CNTNAP2: variants seen among roughly 807,000 people sequenced by gnomAD.
CNTNAP2 encodes the protein contactin associated protein 2, also known as contactin-associated protein-like 2.
CNTNAP2 carries 98 observed loss-of-function variants against 155.2 expected under a neutral mutation model. The ratio of observed to expected loss-of-function variants is 0.63; its 90% CI spans 0.54 to 0.75. CNTNAP2 has a LOEUF of 0.75. Among genes scored for constraint, CNTNAP2 ranks in the 30% least tolerant of loss-of-function variants. The pLI, the probability that CNTNAP2 is intolerant of heterozygous loss-of-function variation, is 0.00. For synonymous variants in CNTNAP2, 651 were observed against 631.2 expected, an observed-to-expected ratio of 1.03 and a Z score of -0.47; for missense variants, 1,727 against 1,688.1, an observed-to-expected ratio of 1.02 and a Z score of -0.40.
chr7:146,405,641 A>G (rs576776301), intron 1 of CNTNAP2, among the ~76,000 whole-genome samples: 20 of 152,344 alleles, frequency 1.3e-4, no homozygotes, highest in Non-Finnish European at 2.6e-4. Context: ...AGACAAATTA[A>G]ACTGGCTAGT....
intron 9 of CNTNAP2, among the ~76,000 whole-genome samples, chr7:147,392,011 C>T (rs945559462): frequency 6.6e-6 from 1 of 152,072 alleles, no homozygotes; most frequent in East Asian, 1.9e-4. Context: ...TGCCCGATGG[C>T]TCCTTCAATA....
intron 21 of CNTNAP2, among the ~76,000 whole-genome samples, chr7:148,383,097 C>G (rs1799104955): frequency 6.6e-6 from 1 of 151,858 alleles, no homozygotes; most frequent in Admixed American, 6.6e-5. Flanking sequence ...CCATCAGACA[C>G]TAGCCGGGGA....
intron 21 of CNTNAP2, among the ~76,000 whole-genome samples, chr7:148,278,563 A>G (rs1357383803): frequency 2.2e-5 from 2 of 89,328 alleles, no homozygotes; most frequent in Non-Finnish European, 4.4e-5. Flanking sequence ...GAGTGAGACT[A>G]CATCTCAAAA....
At chr7:147,689,151 C>CTTT (rs5888280) in intron 13 of CNTNAP2, among the ~76,000 whole-genome samples, 1,995 of 139,462 alleles carry the variant, frequency 0.014, 178 homozygotes, top group Admixed American at 0.14. Context: ...ATAATTACTA[C>CTTT]TTTTTTTTTT....
At chr7:146,880,562 G>C (rs1326275769) in intron 3 of CNTNAP2, among the ~76,000 whole-genome samples, 1 of 152,102 alleles carries the variant, frequency 6.6e-6, no homozygotes, top group Non-Finnish European at 1.5e-5. Context: ...CAGTGGAGTT[G>C]AAATATGAAC....
intron 1 of CNTNAP2, among the ~76,000 whole-genome samples, chr7:146,663,984 T>A (rs947097183): frequency 5.3e-5 from 8 of 152,222 alleles, no homozygotes; most frequent in South Asian, 2.1e-4. Flanking sequence ...CCAGTAAGTA[T>A]GTTACCTGCA....
chr7:147,821,862 A>T (rs184122360), intron 13 of CNTNAP2, among the ~76,000 whole-genome samples: 4 of 152,302 alleles, frequency 2.6e-5, no homozygotes, highest in Admixed American at 1.3e-4. Context: ...ACTAAAAGTT[A>T]TTGGAAGTTA....
intron 1 of CNTNAP2, among the ~76,000 whole-genome samples, chr7:146,503,108 A>G (rs1797331301): frequency 6.6e-6 from 1 of 152,082 alleles, no homozygotes; most frequent in Non-Finnish European, 1.5e-5. Context: ...TCAGATGGAT[A>G]TTTGCAAATG....
intron 13 of CNTNAP2, among the ~76,000 whole-genome samples, chr7:147,861,105 A>G (rs1241834986): frequency 1.3e-5 from 2 of 152,190 alleles, no homozygotes; most frequent in Non-Finnish European, 2.9e-5. Context: ...GTTTGTGATA[A>G]GGATTTTCAC....
At chr7:146,721,369 ATATATACATTCTATATACATTC>A (rs879846295) in intron 1 of CNTNAP2, among the ~76,000 whole-genome samples, 2 of 124,480 alleles carry the variant, frequency 1.6e-5, no homozygotes, top group East Asian at 2.6e-4. Flanking sequence ...TATACATTCT[ATATATACATTCTATATACATTC>A]TATATACATT....
intron 9 of CNTNAP2, among the ~76,000 whole-genome samples, chr7:147,325,255 G>A (rs549981577): frequency 1.1e-3 from 174 of 152,236 alleles, no homozygotes; most frequent in Non-Finnish European, 1.6e-3. Context: ...AGCCGAGATC[G>A]CGCCACTACA....
At chr7:146,652,927 T>C (rs1799941059) in intron 1 of CNTNAP2, among the ~76,000 whole-genome samples, 1 of 152,160 alleles carries the variant, frequency 6.6e-6, no homozygotes, top group African/African-American at 2.4e-5. Context: ...ATCCAGAGAC[T>C]GTGGAGTCTT....
At chr7:146,160,626 C>G (rs201981899) in intron 1 of CNTNAP2, among the ~76,000 whole-genome samples, 1 of 152,188 alleles carries the variant, frequency 6.6e-6, no homozygotes, top group Non-Finnish European at 1.5e-5. Context: ...CTCCTGGACA[C>G]ATATACCCTC....
chr7:147,711,630 A>G (rs928412007), intron 13 of CNTNAP2, among the ~76,000 whole-genome samples: 5 of 152,216 alleles, frequency 3.3e-5, no homozygotes, highest in Non-Finnish European at 7.3e-5. Context: ...CAGAGCAGCC[A>G]TTTCTATACA....
intron 1 of CNTNAP2, among the ~76,000 whole-genome samples, chr7:146,185,233 T>C (rs1029096707): frequency 4.6e-5 from 7 of 152,012 alleles, no homozygotes; most frequent in Middle Eastern, 3.4e-3. Context: ...AAAAACACAA[T>C]TGAAAAAAAA....
At chr7:147,523,191 GTCTCAGC>G (rs1245832507) in intron 11 of CNTNAP2, among the ~76,000 whole-genome samples, 8 of 152,166 alleles carry the variant, frequency 5.3e-5, no homozygotes, top group Admixed American at 2.0e-4. Context: ...CTGCTGGCAA[GTCTCAGC>G]TCTTTGCTAG....
chr7:146,411,250 G>A lies in CNTNAP2; in HGVS notation c.97+294277G>A, dbSNP rs779319699. Among the ~76,000 whole-genome samples, 3 of 149,458 alleles carry A rather than the reference G, an allele frequency of 2.0e-5. No individual in the cohort carries two copies. The South Asian group carries it at 6.8e-4, about 34-fold the overall frequency. ...TGGCTCACTACAACTTCTGCCTCCC[G>A]GGTTCAAGCGATTCTCCTGCTTCAG... On this transcript the variant is annotated intron_variant, in intron 1 of 23. Coordinates refer to ENST00000361727, the MANE Select transcript of CNTNAP2 (RefSeq NM_014141.6).
intron 1 of CNTNAP2, among the ~76,000 whole-genome samples, chr7:146,704,925 C>T (rs1331849817): frequency 6.6e-6 from 1 of 152,116 alleles, no homozygotes; most frequent in Non-Finnish European, 1.5e-5. Flanking sequence ...TTCCTGTCAA[C>T]TTTCCTTGAA....
intron 15 of CNTNAP2, among the ~76,000 whole-genome samples, chr7:148,038,864 ATGGATG>A (rs1802619128): frequency 2.0e-5 from 3 of 151,978 alleles, no homozygotes; most frequent in African/African-American, 7.3e-5. Context: ...GGATGGATGG[ATGGATG>A]GATAGATAGA....
Sources: gnomAD v4.1 joint callset for allele counts (sites outside exome capture counted in the v4.1 genomes callset) on GRCh38, gnomAD v4.1.1 for gene constraint, MANE v1.5 for transcripts, NCBI Gene and HGNC (gene_info 2026-07-23, HGNC 2026-07-21) for gene names.